Variants in SLC25A26 observed in about 807,000 individuals in gnomAD.
SLC25A26 encodes the protein solute carrier family 25 member 26, also known as mitochondrial S-adenosylmethionine carrier protein.
A neutral mutation model predicts 37.8 loss-of-function variants in SLC25A26; 36 were observed. That is an observed-to-expected ratio of 0.95 (90% CI 0.73 to 1.26). The LOEUF is 1.26. Ranked by LOEUF, SLC25A26 falls within the 50% of genes most tolerant of loss-of-function variation. The probability of loss-of-function intolerance (pLI) is 0.00; values close to 1 mark genes in which losing one functional copy is unlikely to be tolerated. For missense variants in SLC25A26, 390 were observed against 331.1 expected (o/e 1.18, Z -1.38); for synonymous variants, 129 against 122.5 (o/e 1.05, Z -0.35).
At chr3:66,303,817 G>A (rs1202786457) in intron 5 of SLC25A26, among the ~76,000 whole-genome samples, 2 of 152,192 alleles carry the variant, frequency 1.3e-5, no homozygotes, top group Non-Finnish European at 2.9e-5. Context: ...GTGTTGCAGG[G>A]ACTGTGATCT....
intron 5 of SLC25A26, among the ~76,000 whole-genome samples, chr3:66,306,487 TTTTTC>T (rs1050237068): frequency 2.0e-5 from 3 of 152,166 alleles, no homozygotes; most frequent in Admixed American, 6.5e-5. Flanking sequence ...GTCTCTCTCT[TTTTTC>T]TTTTCTTTTT....
chr3:66,355,945 A>G, intron 6 of SLC25A26: 1 of 445,600 alleles, frequency 2.2e-6, no homozygotes, highest in Non-Finnish European at 4.5e-6. Context: ...GATGTTACTA[A>G]TTTGGAATTG....
intron 5 of SLC25A26, among the ~76,000 whole-genome samples, chr3:66,310,349 T>C (rs1334576435): frequency 6.6e-6 from 1 of 152,222 alleles, no homozygotes; most frequent in Non-Finnish European, 1.5e-5. Flanking sequence ...TTCCATTGGC[T>C]TGGTAAATAT....
At chr3:66,209,340 T>TAC (rs2071240960) in intron 1 of SLC25A26, among the ~76,000 whole-genome samples, 1 of 140,018 alleles carries the variant, frequency 7.1e-6, no homozygotes, top group Admixed American at 7.6e-5. Context: ...TATGTATATA[T>TAC]ACATATGTAT....
intron 1 of SLC25A26, among the ~76,000 whole-genome samples, chr3:66,200,168 C>T (rs1045095173): frequency 2.0e-5 from 3 of 152,118 alleles, no homozygotes; most frequent in Non-Finnish European, 4.4e-5. Flanking sequence ...GGCAAATTAT[C>T]CCTATGGCAG....
At chr3:66,150,601 GAGATATAT>G (rs2070188910) in intron 1 of SLC25A26, among the ~76,000 whole-genome samples, 5 of 40,838 alleles carry the variant, frequency 1.2e-4, no homozygotes, top group African/African-American at 2.7e-4. Flanking sequence ...TATATGTAAT[GAGATATAT>G]ATATATATAT....
At chr3:66,241,778 T>A (rs1576692330) in intron 2 of SLC25A26, among the ~76,000 whole-genome samples, 1 of 152,254 alleles carries the variant, frequency 6.6e-6, no homozygotes, top group East Asian at 1.9e-4. Context: ...GATGTGGATG[T>A]TTTTGTAAAC....
At chr3:66,358,593 C>G (rs192147280) in intron 6 of SLC25A26, among the ~76,000 whole-genome samples, 1 of 152,180 alleles carries the variant, frequency 6.6e-6, no homozygotes, top group Non-Finnish European at 1.5e-5. Context: ...GTGTCCCATC[C>G]AGATCCCAGC....
intron 5 of SLC25A26, among the ~76,000 whole-genome samples, chr3:66,306,623 C>T (rs938679444): frequency 6.6e-5 from 10 of 152,094 alleles, no homozygotes; most frequent in South Asian, 2.1e-4. Flanking sequence ...GCCCCACATG[C>T]GTTAGGTATT....
In SLC25A26 at chr3:66,377,980, T is replaced by C; in HGVS notation, c.*173T>C. 1.7e-6 allele frequency: 1 copy of C among 573,338 alleles called. No individual in the cohort carries two copies. The highest frequency in any genetic ancestry group is 3.1e-6 in the Non-Finnish European group (1 of 322,294). The allele number at this position is 573,338 out of a possible 1,614,324, so 35.5% of individuals were successfully genotyped here. On this transcript the variant is annotated 3_prime_UTR_variant, in exon 10 of 10. Transcript: ENST00000354883. ...TATAGGCTGGCTGGTATGAAGTCAT[T>C]GGCCTGTATGCCAGAGAGCTAAGAG...
In SLC25A26 at chr3:66,276,349, T is replaced by C. The variant is rs541965883; in HGVS notation, c.453+12970T>C. On this transcript the variant is annotated intron_variant, in intron 5 of 9. Coordinates refer to ENST00000354883, the MANE Select transcript of SLC25A26 (RefSeq NM_001379210.1). ...GTGATTCTTATTACACTTTGCTTCCTGTTTGTGTCTTGCAGATAAATTCAC... is the reference window on the plus strand; with the variant it reads ...GTGATTCTTATTACACTTTGCTTCCCGTTTGTGTCTTGCAGATAAATTCAC... Among the ~76,000 whole-genome samples, 4 of 152,266 alleles carry C rather than the reference T, an allele frequency of 2.6e-5. No homozygotes were observed. In the South Asian group the frequency reaches 8.3e-4, roughly 32 times the overall value.
chr3:66,263,742 T>G (rs943492613), intron 5 of SLC25A26, among the ~76,000 whole-genome samples: 1 of 152,038 alleles, frequency 6.6e-6, no homozygotes, highest in African/African-American at 2.4e-5. Flanking sequence ...CACTGCAACC[T>G]CCGCCTCCCA....
At chr3:66,227,344 AT>A (rs1010253769) in intron 1 of SLC25A26, among the ~76,000 whole-genome samples, 1 of 151,336 alleles carries the variant, frequency 6.6e-6, no homozygotes, top group African/African-American at 2.4e-5. Context: ...ACCACTTTTC[AT>A]TTTTTTTGCA....
At chr3:66,231,539 CAAG>C (rs1200080685) in intron 1 of SLC25A26, among the ~76,000 whole-genome samples, 2 of 151,948 alleles carry the variant, frequency 1.3e-5, no homozygotes, top group Non-Finnish European at 2.9e-5. Flanking sequence ...AAAAAATTAA[CAAG>C]AAATATTATT....
chr3:66,240,154 T>C (rs1281861193), intron 2 of SLC25A26, among the ~76,000 whole-genome samples: 11 of 152,178 alleles, frequency 7.2e-5, no homozygotes, highest in Admixed American at 5.2e-4. Flanking sequence ...TGGAGATAAT[T>C]AGTGTCACGT....
intron 1 of SLC25A26, among the ~76,000 whole-genome samples, chr3:66,209,928 A>ATATATG (rs2071260864): frequency 1.3e-5 from 1 of 74,684 alleles, no homozygotes; most frequent in African/African-American, 6.3e-5. Context: ...ATATATATAT[A>ATATATG]TATATATATA....
At chr3:66,278,798 C>G (rs2107427631) in intron 5 of SLC25A26, among the ~76,000 whole-genome samples, 1 of 152,292 alleles carries the variant, frequency 6.6e-6, no homozygotes, top group Admixed American at 6.5e-5. Flanking sequence ...ATTTCACTTT[C>G]TGGAAAGACT....
intron 1 of SLC25A26, among the ~76,000 whole-genome samples, chr3:66,141,459 G>A (rs1327430116): frequency 6.6e-6 from 1 of 151,698 alleles, no homozygotes; most frequent in Non-Finnish European, 1.5e-5. Flanking sequence ...TTGTCATGAG[G>A]ATGATAATGA....
intron 1 of SLC25A26, among the ~76,000 whole-genome samples, chr3:66,184,585 C>CTGCTCACCTTGATTTTACTATGTATTACA (rs2070780042): frequency 7.8e-6 from 1 of 128,136 alleles, no homozygotes. Flanking sequence ...TCACCTGACT[C>CTGCTCACCTTGATTTTACTATGTATTACA]TGCTCACCTT....
Sources: allele counts gnomAD v4.1 joint callset (sites outside exome capture counted in the v4.1 genomes callset), GRCh38; gene constraint gnomAD v4.1.1; transcripts MANE v1.5; gene names NCBI Gene and HGNC (gene_info 2026-07-23, HGNC 2026-07-21).